Variants in NCKAP5 observed in about 807,000 individuals in gnomAD.
NCKAP5 encodes NCK associated protein 5.
A neutral mutation model predicts 167.0 loss-of-function variants in NCKAP5; 92 were observed. The observed-to-expected ratio is 0.55, with a 90% CI of 0.47 to 0.66. The LOEUF is 0.66. Among genes scored for constraint, NCKAP5 ranks in the 30% least tolerant of loss-of-function variants. The probability of loss-of-function intolerance (pLI) is 0.00; values close to 1 mark genes in which losing one functional copy is unlikely to be tolerated. For missense variants in NCKAP5, 2,378 were observed against 2,315.0 expected (o/e 1.03, Z -0.56); for synonymous variants, 891 against 877.4 (o/e 1.02, Z -0.27).
intron 6 of NCKAP5, among the ~76,000 whole-genome samples, chr2:133,007,579 A>G (rs1022805139): frequency 2.6e-5 from 4 of 152,128 alleles, no homozygotes; most frequent in African/African-American, 7.2e-5. Context: ...TGAATTTCTT[A>G]TTGACATAAA....
At chr2:132,869,209 C>T (rs1246976399) in intron 9 of NCKAP5, among the ~76,000 whole-genome samples, 2 of 152,136 alleles carry the variant, frequency 1.3e-5, no homozygotes, top group African/African-American at 2.4e-5. Flanking sequence ...CTTAAAAGAT[C>T]ATTCATACCT....
intron 5 of NCKAP5, among the ~76,000 whole-genome samples, chr2:133,198,758 G>C (rs2150111553): frequency 6.6e-6 from 1 of 152,186 alleles, no homozygotes; most frequent in East Asian, 1.9e-4. Context: ...AGTCACTGGA[G>C]GTAGTGTGAG....
At chr2:133,505,483 A>C (rs1181318662) in intron 3 of NCKAP5, among the ~76,000 whole-genome samples, 1 of 152,216 alleles carries the variant, frequency 6.6e-6, no homozygotes, top group Non-Finnish European at 1.5e-5. Flanking sequence ...GCTGGTCCAC[A>C]TGTTTCCAGG....
intron 15 of NCKAP5, 65 bp downstream of exon 15, chr2:132,780,987 T>C: frequency 6.6e-7 from 1 of 1,507,986 alleles, no homozygotes. Context: ...TAGCAAACGG[T>C]AGAAAGACCC....
At chr2:133,496,100 A>T (rs1174375621) in intron 3 of NCKAP5, among the ~76,000 whole-genome samples, 1 of 152,246 alleles carries the variant, frequency 6.6e-6, no homozygotes, top group Non-Finnish European at 1.5e-5. Flanking sequence ...ATTTACAGAC[A>T]TGCAGACGTT....
intron 3 of NCKAP5, among the ~76,000 whole-genome samples, chr2:133,415,157 C>T (rs745549165): frequency 4.6e-5 from 7 of 152,158 alleles, no homozygotes; most frequent in African/African-American, 1.2e-4. Flanking sequence ...TCACACTGGC[C>T]GAAATGGACT....
At chr2:133,227,366 T>C (rs2086941838) in intron 4 of NCKAP5, among the ~76,000 whole-genome samples, 1 of 152,220 alleles carries the variant, frequency 6.6e-6, no homozygotes. Flanking sequence ...AGATGCTACC[T>C]CAGTGCTTTA....
intron 8 of NCKAP5, among the ~76,000 whole-genome samples, chr2:132,892,399 A>T (rs566072744): frequency 6.6e-6 from 1 of 152,324 alleles, no homozygotes; most frequent in South Asian, 2.1e-4. Context: ...TTGTAAAAAC[A>T]ACCTTTAAAC....
intron 6 of NCKAP5, among the ~76,000 whole-genome samples, chr2:133,016,283 G>A (rs1351080563): frequency 1.3e-5 from 2 of 152,164 alleles, no homozygotes; most frequent in Non-Finnish European, 2.9e-5. Context: ...AGCACATGAA[G>A]TCTGACGATT....
chr2:133,076,886 C>G (rs562858308), intron 6 of NCKAP5, among the ~76,000 whole-genome samples: 1 of 152,276 alleles, frequency 6.6e-6, no homozygotes, highest in South Asian at 2.1e-4. Context: ...CTCCCACTGA[C>G]CACCTCTTTC....
chr2:133,139,124 G>A (rs2082905562), intron 5 of NCKAP5, among the ~76,000 whole-genome samples: 1 of 152,176 alleles, frequency 6.6e-6, no homozygotes. Context: ...CCGAGGGCCT[G>A]TAAACAAGAA....
At chr2:133,283,943 T>C (rs1020215571) in intron 4 of NCKAP5, among the ~76,000 whole-genome samples, 4 of 152,146 alleles carry the variant, frequency 2.6e-5, no homozygotes, top group African/African-American at 9.7e-5. Flanking sequence ...ATTTTTGCTT[T>C]ATAGATAAAG....
At chr2:132,869,907 T>C (rs928779234) in intron 9 of NCKAP5, among the ~76,000 whole-genome samples, 1 of 152,238 alleles carries the variant, frequency 6.6e-6, no homozygotes, top group South Asian at 2.1e-4. Context: ...TAGTCACTGT[T>C]ATTTTGAGTT....
chr2:132,713,889 A>T (rs73957628), intron 19 of NCKAP5, among the ~76,000 whole-genome samples: 2,068 of 152,262 alleles, frequency 0.014, 49 homozygotes, highest in African/African-American at 0.047. Flanking sequence ...GGCCAATGGA[A>T]GGGATGCTAT....
intron 8 of NCKAP5, among the ~76,000 whole-genome samples, chr2:132,943,086 G>A (rs1412330550): frequency 6.6e-6 from 1 of 152,154 alleles, no homozygotes; most frequent in Non-Finnish European, 1.5e-5. Flanking sequence ...AAATCAAGTA[G>A]GGTCTGAACC....
intron 6 of NCKAP5, among the ~76,000 whole-genome samples, chr2:133,051,383 C>T (rs1032805965): frequency 1.3e-5 from 2 of 152,064 alleles, no homozygotes; most frequent in Admixed American, 6.6e-5. Flanking sequence ...TTACTTTTAC[C>T]AGAAATTATT....
chr2:132,995,974 CA>C (rs1033491186), intron 6 of NCKAP5, among the ~76,000 whole-genome samples: 20 of 150,034 alleles, frequency 1.3e-4, no homozygotes, highest in African/African-American at 2.9e-4. Flanking sequence ...AACTCTGTCT[CA>C]AAAAAAAAAT....
chr2:133,670,706 A>AT, the NCKAP5 span, among the ~76,000 whole-genome samples: 12 of 152,152 alleles, frequency 7.9e-5, no homozygotes, highest in Non-Finnish European at 1.3e-4. Context: ...AAAACCTAAG[A>AT]TTTTAAGCCA....
intron 6 of NCKAP5, among the ~76,000 whole-genome samples, chr2:133,001,069 G>A (rs931962481): frequency 6.6e-6 from 1 of 152,002 alleles, no homozygotes; most frequent in African/African-American, 2.4e-5. Context: ...CAGGTTATAT[G>A]CATTTGTTGG....
Sources: gnomAD v4.1 joint callset for allele counts (sites outside exome capture counted in the v4.1 genomes callset) on GRCh38, gnomAD v4.1.1 for gene constraint, MANE v1.5 for transcripts, NCBI Gene and HGNC (gene_info 2026-07-23, HGNC 2026-07-21) for gene names.